Variants in NECAB2 observed in about 807,000 individuals in gnomAD.
The protein encoded by NECAB2 is N-terminal EF-hand calcium binding protein 2, also known as N-terminal EF-hand calcium-binding protein 2.
NECAB2 carries 68 observed loss-of-function variants against 51.9 expected under a neutral mutation model. The ratio of observed to expected loss-of-function variants is 1.31; its 90% CI spans 1.08 to 1.60. The LOEUF (loss-of-function observed/expected upper bound fraction) is 1.60. Among genes scored for constraint, NECAB2 ranks in the 40% most tolerant of loss-of-function variants. NECAB2 has a pLI of 0.00. For missense variants in NECAB2, 854 were observed against 490.3 expected, an observed-to-expected ratio of 1.74 and a Z score of -7.00; for synonymous variants, 329 against 203.5, an observed-to-expected ratio of 1.62 and a Z score of -5.25.
rs9937415 is a variant in NECAB2 at position 84,001,803 on chromosome 16, C to A, written c.1041-22C>A. ...AGCTCCACTCCTGCCACCCCTGACT[C>A]ACACATGTCCCTGCGTCACAGGCAC... On this transcript the variant is annotated intron_variant, in intron 11 of 12. Transcript: ENST00000305202. 2,880 of 1,613,434 alleles carry A rather than the reference C, an allele frequency of 1.8e-3. 30 individuals carry two copies. In the African/African-American group the frequency reaches 0.028, roughly 16 times the overall value.
intron 11 of NECAB2, among the ~76,000 whole-genome samples, chr16:84,001,496 T>G (rs1397901916): frequency 1.3e-5 from 2 of 152,122 alleles, no homozygotes; most frequent in African/African-American, 4.8e-5. Context: ...ACTAAAAGCC[T>G]TCGCAGCTTC....
chr16:84,000,257 C>T (rs912440064), intron 10 of NECAB2, among the ~76,000 whole-genome samples: 1 of 152,150 alleles, frequency 6.6e-6, no homozygotes, highest in African/African-American at 2.4e-5. Flanking sequence ...CAGCTGGGCA[C>T]AGTGGCTGAA....
upstream of NECAB2, chr16:83,965,581 G>T (rs750315102): frequency 6.2e-7 from 1 of 1,612,884 alleles, no homozygotes; most frequent in Non-Finnish European, 8.5e-7. Context: ...TGTACCCCGA[G>T]TACCACAAGG....
chr16:83,994,531 G>T (rs2084670030), intron 7 of NECAB2, 78 bp from the exon 8 acceptor site: 2 of 1,601,524 alleles, frequency 1.2e-6, no homozygotes, highest in African/African-American at 2.7e-5. Flanking sequence ...CCCTGGAGGG[G>T]CTGGATGTTT....
In NECAB2 at chr16:83,994,404, C is replaced by T. The variant is rs772068894; in HGVS notation, c.699C>T (p.Gly233=). The change falls in exon 7 of 13, where the codon GGC becomes GGT. Residue 233 remains glycine, a synonymous_variant. Coordinates refer to ENST00000305202, the MANE Select transcript of NECAB2 (RefSeq NM_019065.3). ...ACAAGCTCATGGCTATGGAACAAGG[C>T]AAGACCCTTCCATCTGGTGAGAGAA... ...PNHKLMAMEQ[G]KTLPSATEDA... is the part of the protein sequence containing the mutation. The T allele has an allele frequency of 6.6e-5, 107 of 1,614,046 alleles. No individual in the cohort carries two copies. The highest frequency in any genetic ancestry group is 8.7e-5 in the Non-Finnish European group (103 of 1,180,004).
chr16:83,970,696 C>G (rs2084338238), intron 1 of NECAB2, among the ~76,000 whole-genome samples: 1 of 152,166 alleles, frequency 6.6e-6, no homozygotes, highest in Non-Finnish European at 1.5e-5. Flanking sequence ...GAAATGTGTA[C>G]ATGTTGCTGC....
intron 6 of NECAB2, chr16:83,993,620 C>CTGTG (rs57610964): frequency 0.03 from 4,083 of 135,386 alleles, 70 homozygotes; most frequent in East Asian, 0.051. Flanking sequence ...GCAAGGTGAG[C>CTGTG]TGTGTGTGTG....
chr16:83,985,837 T>G (rs2084545917), intron 5 of NECAB2, among the ~76,000 whole-genome samples: 1 of 152,168 alleles, frequency 6.6e-6, no homozygotes, highest in Admixed American at 6.5e-5. Flanking sequence ...TTTGTGTTTG[T>G]TTTTGTAACT....
At chr16:83,999,381 C>T (rs1159429674) in intron 10 of NECAB2, among the ~76,000 whole-genome samples, 1 of 152,160 alleles carries the variant, frequency 6.6e-6, no homozygotes, top group African/African-American at 2.4e-5. Context: ...GAAGTAGGGC[C>T]ACCCCGATGC....
At chr16:83,966,330 T>C, upstream of NECAB2, 1 of 392,692 alleles carries the variant, frequency 2.5e-6, no homozygotes, top group Non-Finnish European at 4.6e-6. Flanking sequence ...AGTGCCCACC[T>C]GCTCTCATGC....
At chr16:83,987,142 C>T (rs1333174950) in intron 5 of NECAB2, among the ~76,000 whole-genome samples, 1 of 152,096 alleles carries the variant, frequency 6.6e-6, no homozygotes. Context: ...CAAAGTAGCT[C>T]CTGAATAAGG....
chr16:83,976,927 A>C (rs1469835304), intron 2 of NECAB2, among the ~76,000 whole-genome samples: 2 of 152,198 alleles, frequency 1.3e-5, no homozygotes, highest in Non-Finnish European at 2.9e-5. Flanking sequence ...TTTAAAGTTT[A>C]AGAATGACTC....
chr16:83,996,879 C>T (rs1443227612), intron 8 of NECAB2, among the ~76,000 whole-genome samples: 1 of 152,068 alleles, frequency 6.6e-6, no homozygotes, highest in Non-Finnish European at 1.5e-5. Context: ...CCATTAGATC[C>T]CTGAGGTGCT....
In NECAB2 at chr16:83,998,285, G is replaced by A; in HGVS notation, c.930G>A (p.Leu310=). 1.2e-6 allele frequency: 2 copies of A among 1,613,568 alleles called. No homozygotes were observed. The highest frequency in any genetic ancestry group is 1.7e-6 in the Non-Finnish European group (2 of 1,180,010). Residue 310 remains leucine (L), a synonymous_variant, in exon 10 of 13, where the codon CTG becomes CTA. Coordinates refer to ENST00000305202, the MANE Select transcript of NECAB2 (RefSeq NM_019065.3). ...TTCTGGACTCTCTGCGCCAGTATCT[G>A]CGGGGGACCACTGGCGTGAGGAACT... is the stretch of plus-strand genomic sequence containing the variant. The part of the protein sequence containing the change: ...SEFLDSLRQY[L]RGTTGVRNCF...
chr16:83,990,770 G>A, intron 6 of NECAB2, 140 bp downstream of exon 6: 2 of 1,106,844 alleles, frequency 1.8e-6, no homozygotes, highest in South Asian at 1.6e-5. Flanking sequence ...TGTGCCTTTG[G>A]TGCTCCATTA....
chr16:83,993,262 G>GGGAT (rs2151096815), intron 6 of NECAB2: 1 of 152,350 alleles, frequency 6.6e-6, no homozygotes, highest in South Asian at 2.1e-4. Flanking sequence ...CATGGTCTGA[G>GGGAT]GGATACATTT....
chr16:83,985,245 G>A (rs1033980805), intron 5 of NECAB2, among the ~76,000 whole-genome samples: 2 of 144,346 alleles, frequency 1.4e-5, no homozygotes, highest in East Asian at 4.1e-4. Flanking sequence ...CCCGGGAGGT[G>A]GAGGTTGCAG....
At chr16:83,985,665 C>T (rs372818587) in intron 5 of NECAB2, among the ~76,000 whole-genome samples, 12 of 151,796 alleles carry the variant, frequency 7.9e-5, no homozygotes, top group African/African-American at 2.7e-4. Flanking sequence ...TGTTGGCGTT[C>T]CCATAGCAAT....
At chr16:83,986,679 ATTTT>A (rs113038465) in intron 5 of NECAB2, among the ~76,000 whole-genome samples, 100 of 135,092 alleles carry the variant, frequency 7.4e-4, no homozygotes, top group African/African-American at 2.3e-3. Flanking sequence ...CTCACGGCAA[ATTTT>A]TTTTTTTTTT....
Sources: gnomAD v4.1 joint callset for allele counts (sites outside exome capture counted in the v4.1 genomes callset) on GRCh38, gnomAD v4.1.1 for gene constraint, MANE v1.5 for transcripts, NCBI Gene and HGNC (gene_info 2026-07-23, HGNC 2026-07-21) for gene names.